PEX14: variants seen among roughly 807,000 people sequenced by gnomAD.
PEX14 encodes the protein peroxisomal biogenesis factor 14.
PEX14 carries 15 observed loss-of-function variants against 49.5 expected under a neutral mutation model. The ratio of observed to expected loss-of-function variants is 0.30; its 90% confidence interval spans 0.20 to 0.47. The LOEUF (loss-of-function observed/expected upper bound fraction) is 0.47. Among genes scored for constraint, PEX14 ranks in the 20% least tolerant of loss-of-function variants. The pLI, the probability that PEX14 is intolerant of heterozygous loss-of-function variation, is 1.00. For synonymous variants in PEX14, 210 were observed against 212.7 expected (o/e 0.99, Z 0.11); for missense variants, 398 against 494.8 (o/e 0.80, Z 1.86).
At position 10,512,760 on chromosome 1, in the gene PEX14, G is replaced by A. The variant is rs563724546; in HGVS notation, c.84+17439G>A. 1.3e-5 allele frequency among the ~76,000 whole-genome samples: 2 copies of A among 151,906 alleles called. No homozygotes were observed. Among genetic ancestry groups the A allele is most frequent in the South Asian group, 4.2e-4 (2 of 4,802 alleles). On this transcript the variant is annotated intron_variant, in intron 2 of 8. Transcript: ENST00000356607. This position sits in a 1 kb window ranked among gnomAD's most constrained non-coding sequence, Gnocchi z 4.6. ...TGTCGCCAGGCTGGAGTGCAGTGGC[G>A]TGATGTCGGCTCACTGCAACCTCCG...
intron 1 of PEX14, among the ~76,000 whole-genome samples, chr1:10,491,099 C>T (rs1024929360): frequency 1.3e-5 from 2 of 151,480 alleles, no homozygotes; most frequent in Admixed American, 1.3e-4. Context: ...GAACTCCTGA[C>T]CAGGTGATCT....
chr1:10,547,222 A>G (rs547962728), intron 3 of PEX14, among the ~76,000 whole-genome samples: 1 of 152,332 alleles, frequency 6.6e-6, no homozygotes, highest in Non-Finnish European at 1.5e-5. Flanking sequence ...CTTGACCCCC[A>G]TGAAGCTGGA....
chr1:10,482,507 C>A (rs1387109355), intron 1 of PEX14, among the ~76,000 whole-genome samples: 1 of 150,782 alleles, frequency 6.6e-6, no homozygotes, highest in South Asian at 2.1e-4. Context: ...AATCTCAGCT[C>A]ACTGCAACCT....
intron 3 of PEX14, among the ~76,000 whole-genome samples, chr1:10,582,577 G>A (rs746886630): frequency 6.6e-6 from 1 of 152,174 alleles, no homozygotes; most frequent in Non-Finnish European, 1.5e-5. Context: ...GCTCAGAGTA[G>A]GGTTGGGAAG....
intron 2 of PEX14, among the ~76,000 whole-genome samples, chr1:10,504,660 G>A (rs761583369): frequency 3.2e-4 from 49 of 152,178 alleles, no homozygotes; most frequent in Admixed American, 1.0e-3. Flanking sequence ...TTTTGCAGCC[G>A]TATGGTAGCA....
chr1:10,508,616 C>T (rs1295099846), intron 2 of PEX14, among the ~76,000 whole-genome samples: 1 of 152,230 alleles, frequency 6.6e-6, no homozygotes, highest in Non-Finnish European at 1.5e-5. Flanking sequence ...TCTGAATGCT[C>T]CTGCCTGCCA....
intron 3 of PEX14, among the ~76,000 whole-genome samples, chr1:10,586,230 G>C (rs977144150): frequency 6.6e-6 from 1 of 152,108 alleles, no homozygotes; most frequent in Non-Finnish European, 1.5e-5. Context: ...ATTCAGTCTC[G>C]GTCGTTGTCA....
chr1:10,489,768 G>T (rs1327734624), intron 1 of PEX14, among the ~76,000 whole-genome samples: 3 of 152,216 alleles, frequency 2.0e-5, no homozygotes, highest in African/African-American at 7.2e-5. Flanking sequence ...TTAAGTGGGT[G>T]GCGTGCTCTG....
chr1:10,569,189 T>C (rs968339135), intron 3 of PEX14, among the ~76,000 whole-genome samples: 1 of 152,222 alleles, frequency 6.6e-6, no homozygotes, highest in African/African-American at 2.4e-5. Context: ...ATACTAATTA[T>C]AATAAATGTG....
chr1:10,568,090 C>T (rs753278733), intron 3 of PEX14, among the ~76,000 whole-genome samples: 1 of 152,126 alleles, frequency 6.6e-6, no homozygotes, highest in Non-Finnish European at 1.5e-5. Flanking sequence ...GTCAGTTTTT[C>T]CAGGTGCTAT....
In PEX14 at chr1:10,567,504, G is replaced by T. The variant is rs1639839514; in HGVS notation, c.169+31207G>T. On this transcript the variant is annotated intron_variant, in intron 3 of 8. Transcript: ENST00000356607. The stretch of plus-strand genomic sequence containing the variant: ...TGCCCAGTAAAAAATGAAAAATAAA[G>T]ATTTTTTTTTAGACAGTCTTGCTGT... 2.0e-5 allele frequency among the ~76,000 whole-genome samples: 3 copies of T among 152,074 alleles called. No homozygotes were observed. In the South Asian group the frequency reaches 6.2e-4, roughly 31 times the overall value.
chr1:10,573,626 C>T (rs1377807571), intron 3 of PEX14, among the ~76,000 whole-genome samples: 1 of 152,174 alleles, frequency 6.6e-6, no homozygotes, highest in Non-Finnish European at 1.5e-5. Context: ...TGTGGAGCAG[C>T]AGTAACCCTC....
At chr1:10,524,221 CAGTG>C (rs1396956948) in intron 2 of PEX14, among the ~76,000 whole-genome samples, 1 of 152,120 alleles carries the variant, frequency 6.6e-6, no homozygotes, top group Non-Finnish European at 1.5e-5. Context: ...AGAGAAAGGA[CAGTG>C]AGCAGAAAAG....
chr1:10,525,277 A>T (rs1570206521), intron 2 of PEX14, among the ~76,000 whole-genome samples: 1 of 152,176 alleles, frequency 6.6e-6, no homozygotes, highest in Non-Finnish European at 1.5e-5. Context: ...TGGCTGTGAT[A>T]ATCAGTTTCA....
At chr1:10,537,551 C>T (rs533219192) in intron 3 of PEX14, among the ~76,000 whole-genome samples, 1 of 152,194 alleles carries the variant, frequency 6.6e-6, no homozygotes, top group African/African-American at 2.4e-5. Flanking sequence ...GAGCTGATTA[C>T]CCGGGGTAAC....
chr1:10,487,424 G>A (rs1191844098), intron 1 of PEX14, among the ~76,000 whole-genome samples: 2 of 150,164 alleles, frequency 1.3e-5, no homozygotes. Flanking sequence ...AAGCCATCTG[G>A]ACGTAGAGTT....
chr1:10,547,575 A>G (rs936305404), intron 3 of PEX14, among the ~76,000 whole-genome samples: 22 of 152,198 alleles, frequency 1.4e-4, no homozygotes, highest in Non-Finnish European at 1.5e-5. Context: ...TACCTTTGGT[A>G]AAGTTTAATT....
intron 3 of PEX14, among the ~76,000 whole-genome samples, chr1:10,588,895 G>T (rs1640578120): frequency 1.3e-5 from 2 of 152,046 alleles, no homozygotes; most frequent in African/African-American, 2.4e-5. Flanking sequence ...AAAATCTATT[G>T]TAAGAACAAA....
intron 4 of PEX14, among the ~76,000 whole-genome samples, chr1:10,612,989 G>A (rs1358259833): frequency 6.6e-6 from 1 of 152,260 alleles, no homozygotes; most frequent in African/African-American, 2.4e-5. Flanking sequence ...GGACGTGAGA[G>A]TTCTCTCCCT....
Sources: gnomAD v4.1 joint callset for allele counts (sites outside exome capture counted in the v4.1 genomes callset) on GRCh38, gnomAD v4.1.1 for gene constraint, Gnocchi (gnomAD v3.1) non-coding constraint, MANE v1.5 for transcripts, NCBI Gene and HGNC (gene_info 2026-07-23, HGNC 2026-07-21) for gene names.